Variants in SPATA18 observed in about 807,000 individuals in gnomAD.
SPATA18 encodes the protein mitochondria-eating protein.
A neutral mutation model predicts 68.1 loss-of-function variants in SPATA18; 54 were observed. The ratio of observed to expected loss-of-function variants is 0.79; its 90% CI spans 0.64 to 0.99. The LOEUF is 0.99. Ranked by LOEUF, SPATA18 falls within the 50% of genes least tolerant of loss-of-function variation. The pLI, the probability that SPATA18 is intolerant of heterozygous loss-of-function variation, is 0.00. For synonymous variants in SPATA18, 242 were observed against 244.8 expected (o/e 0.99, Z 0.11); for missense variants, 724 against 681.1 (o/e 1.06, Z -0.70).
At chr4:52,059,809 T>G (rs1324381086) in intron 1 of SPATA18, among the ~76,000 whole-genome samples, 3 of 152,226 alleles carry the variant, frequency 2.0e-5, no homozygotes, top group Admixed American at 2.0e-4. Flanking sequence ...GCATATATAA[T>G]ATATACAAAT....
Position 52,079,302 on chromosome 4 carries a change from T to C in SPATA18, c.1179+409T>C, listed in dbSNP as rs993897320. ...CACTGTTCATTACTCCATAGAGTCATTGAGAGCATTAAATGAAAGAAAGTA... is the reference window on the plus strand; with the variant it reads ...CACTGTTCATTACTCCATAGAGTCACTGAGAGCATTAAATGAAAGAAAGTA... On this transcript the variant is annotated intron_variant, in intron 8 of 12. Coordinates refer to ENST00000295213, the MANE Select transcript of SPATA18 (RefSeq NM_145263.4). 2.6e-5 allele frequency among the ~76,000 whole-genome samples: 4 copies of C among 152,152 alleles called. 1 individual carries two copies. Among genetic ancestry groups the C allele is most frequent in the Admixed American group, 2.6e-4 (4 of 15,286 alleles).
In SPATA18 at chr4:52,079,758, C is replaced by A. The variant is rs773992504; in HGVS notation, c.1194C>A (p.Ala398=). The A allele has an allele frequency of 1.7e-5, 28 of 1,613,782 alleles. No homozygotes were observed. The highest frequency in any genetic ancestry group is 1.9e-5 in the Non-Finnish European group (23 of 1,179,880). The part of the protein sequence containing the change: ...SQSSVNDVIR[A]MNVNPKISFP... The stretch of plus-strand genomic sequence containing the variant: ...TTGTTTTTCAGGATGTGATCCGAGC[C>A]ATGAATGTCAATCCCAAGATTTCAT... Residue 398 remains alanine (A), a synonymous_variant, in exon 9 of 13, where the codon GCC becomes GCA. Transcript: ENST00000295213.
chr4:52,065,932 A>G (rs1739271024), intron 4 of SPATA18, among the ~76,000 whole-genome samples: 1 of 152,116 alleles, frequency 6.6e-6, no homozygotes, highest in African/African-American at 2.4e-5. Flanking sequence ...TATCCAATCT[A>G]TCAGAATGTC....
intron 9 of SPATA18, 54 bp downstream of exon 9, chr4:52,079,973 T>C: frequency 6.4e-7 from 1 of 1,550,934 alleles, no homozygotes; most frequent in Non-Finnish European, 8.7e-7. Flanking sequence ...CATTGTCTTG[T>C]CTGTTTCCTG....
intron 1 of SPATA18, among the ~76,000 whole-genome samples, chr4:52,054,462 A>C (rs1274484061): frequency 1.3e-5 from 2 of 152,200 alleles, no homozygotes; most frequent in Non-Finnish European, 2.9e-5. Context: ...GGCAGGAATT[A>C]ATGATGAATG....
At chr4:52,089,302 T>C (rs1741733081) in intron 11 of SPATA18, among the ~76,000 whole-genome samples, 1 of 152,246 alleles carries the variant, frequency 6.6e-6, no homozygotes, top group East Asian at 1.9e-4. Context: ...TACTCTGATC[T>C]TAGTTATTTC....
At chr4:52,083,615 C>A in intron 10 of SPATA18, 1 of 352,184 alleles carries the variant, frequency 2.8e-6, no homozygotes, top group Non-Finnish European at 4.0e-6. Flanking sequence ...CATCGTGGTG[C>A]ATACCTGTAG....
At chr4:52,080,427 CTT>C (rs1740821586) in intron 9 of SPATA18, among the ~76,000 whole-genome samples, 2 of 152,172 alleles carry the variant, frequency 1.3e-5, no homozygotes, top group Admixed American at 6.5e-5. Flanking sequence ...GCTCTTGACT[CTT>C]TTGTCTAGGA....
chr4:52,064,037 A>C (rs990936854), intron 4 of SPATA18, among the ~76,000 whole-genome samples: 3 of 152,156 alleles, frequency 2.0e-5, no homozygotes, highest in Non-Finnish European at 2.9e-5. Context: ...TAGATCAAGA[A>C]ACTTAATGCA....
intron 6 of SPATA18, among the ~76,000 whole-genome samples, 153 bp from the exon 7 acceptor site, chr4:52,076,626 G>C (rs887390048): frequency 6.6e-6 from 1 of 152,180 alleles, no homozygotes; most frequent in African/African-American, 2.4e-5. Flanking sequence ...CCAGATGCTG[G>C]AGTCAGATAA....
At chr4:52,094,175 A>T (rs1332721267) in intron 11 of SPATA18, among the ~76,000 whole-genome samples, 1 of 152,178 alleles carries the variant, frequency 6.6e-6, no homozygotes, top group Non-Finnish European at 1.5e-5. Context: ...TTCTTAATAG[A>T]GCAGAGTTTA....
At chr4:52,053,012 G>A (rs1249057789) in intron 1 of SPATA18, among the ~76,000 whole-genome samples, 1 of 152,112 alleles carries the variant, frequency 6.6e-6, no homozygotes, top group Non-Finnish European at 1.5e-5. Flanking sequence ...AAAGACTTGG[G>A]TTCCCCCCAA....
chr4:52,062,759 A>G (rs555019803), intron 4 of SPATA18, among the ~76,000 whole-genome samples: 1 of 152,332 alleles, frequency 6.6e-6, no homozygotes, highest in Non-Finnish European at 1.5e-5. Flanking sequence ...AGACAGCAAA[A>G]GTCAAATGAA....
intron 10 of SPATA18, chr4:52,083,195 G>C (rs1578193068): frequency 1.0e-6 from 1 of 985,324 alleles, no homozygotes; most frequent in Non-Finnish European, 1.2e-6. Context: ...ATTCTGCATA[G>C]TTTATGTTAT....
chr4:52,093,683 T>C (rs912023168), intron 11 of SPATA18, among the ~76,000 whole-genome samples: 2 of 152,200 alleles, frequency 1.3e-5, no homozygotes, highest in African/African-American at 4.8e-5. Context: ...GCAACAGCCA[T>C]GGCAAATTGT....
chr4:52,051,636 T>G lies in SPATA18; in HGVS notation c.-69T>G. ...TTCCCGCCATATCACCCCACGGTCCTGCGGAGGCCACCGCCTGGTCCCCCC... is the reference window on the plus strand; with the variant it reads ...TTCCCGCCATATCACCCCACGGTCCGGCGGAGGCCACCGCCTGGTCCCCCC... On this transcript the variant is annotated 5_prime_UTR_variant, in exon 1 of 13. Transcript: ENST00000295213. The G allele has an allele frequency of 6.8e-7, 1 of 1,463,178 alleles. No individual in the cohort carries two copies. The highest frequency in any genetic ancestry group is 1.4e-5 in the African/African-American group (1 of 72,064). The allele number at this position is 1,463,178 out of a possible 1,614,324, so 90.6% of individuals were successfully genotyped here. A position where few individuals can be genotyped will look rare whatever the true frequency, so the allele number is the denominator to read the frequency against.
rs1419409859 is a variant in SPATA18, at chr4:52,094,677, C to G, written c.1609+105C>G. ...GAATGCTTTGCTTCCTAGAGAGCAT[C>G]TTTTTCTTACTCCTCACACCTTTCA... On this transcript the variant is annotated intron_variant, in intron 12 of 12. Coordinates refer to ENST00000295213, the MANE Select transcript of SPATA18 (RefSeq NM_145263.4). 13 of 1,328,054 alleles carry G rather than the reference C, an allele frequency of 9.8e-6. No homozygotes were observed. The East Asian group carries it at 3.0e-4, about 31-fold the overall frequency. The allele number at this position is 1,328,054 out of a possible 1,614,324, so 82.3% of individuals were successfully genotyped here.
chr4:52,081,119 C>A (rs1211380349), intron 9 of SPATA18, among the ~76,000 whole-genome samples: 1 of 152,144 alleles, frequency 6.6e-6, no homozygotes, highest in Non-Finnish European at 1.5e-5. Context: ...CATTTGTCTC[C>A]CTTTATTCCT....
chr4:52,069,938 T>A (rs1299253204), intron 5 of SPATA18, 22 bp downstream of exon 5: 16 of 1,543,178 alleles, frequency 1.0e-5, no homozygotes, highest in Non-Finnish European at 1.3e-5. Context: ...ATTACAGGAT[T>A]ATTGCAGCCT....
Sources: allele counts gnomAD v4.1 joint callset (sites outside exome capture counted in the v4.1 genomes callset), GRCh38; gene constraint gnomAD v4.1.1; transcripts MANE v1.5; gene names NCBI Gene and HGNC (gene_info 2026-07-23, HGNC 2026-07-21).